Variants in LANCL2 observed in about 807,000 individuals in gnomAD.
LANCL2 encodes LanC like glutathione S-transferase 2.
In LANCL2, 33 loss-of-function variants were observed where a neutral mutation model predicts 56.9. The ratio of observed to expected loss-of-function variants is 0.58; its 90% CI spans 0.44 to 0.78. The LOEUF is 0.78. Among genes scored for constraint, LANCL2 ranks in the 30% least tolerant of loss-of-function variants. The pLI is 0.00. For missense variants in LANCL2, 562 were observed against 580.2 expected, an observed-to-expected ratio of 0.97 and a Z score of 0.32; for synonymous variants, 233 against 228.2, an observed-to-expected ratio of 1.02 and a Z score of -0.19.
chr7:55,409,742 T>C (rs1205990438), intron 5 of LANCL2, among the ~76,000 whole-genome samples: 1 of 152,176 alleles, frequency 6.6e-6, no homozygotes, highest in Non-Finnish European at 1.5e-5. Context: ...GATTTGACCA[T>C]GTGGAAAATC....
rs553695394 is a variant in LANCL2, at chr7:55,418,204, T to TA, written c.1008+6116dup. On this transcript the variant is annotated intron_variant, in intron 6 of 8. Coordinates refer to ENST00000254770, the MANE Select transcript of LANCL2 (RefSeq NM_018697.4). ...AATTGCGTTTTTTTTTTTGGAGACA[T>TA]AGAGTCTCACTCTGTTACCCAGGCT... Among the ~76,000 whole-genome samples the TA allele has an allele frequency of 3.1e-3, 456 of 148,248 alleles. 2 individuals are homozygous for TA. Among genetic ancestry groups the TA allele is most frequent in the African/African-American group, 0.011 (422 of 39,986 alleles).
At chr7:55,401,645 G>C (rs1219958101) in intron 5 of LANCL2, among the ~76,000 whole-genome samples, 1 of 121,120 alleles carries the variant, frequency 8.3e-6, no homozygotes, top group Non-Finnish European at 1.7e-5. Flanking sequence ...CAGCAGATAA[G>C]TGAACAAAGG....
At chr7:55,409,864 AG>A (rs1790452824) in intron 5 of LANCL2, among the ~76,000 whole-genome samples, 2 of 152,272 alleles carry the variant, frequency 1.3e-5, no homozygotes, top group Non-Finnish European at 2.9e-5. Flanking sequence ...AAAAACTAAA[AG>A]GTGTAAAAGA....
chr7:55,403,150 T>C (rs1275610667), intron 5 of LANCL2, among the ~76,000 whole-genome samples: 10 of 152,278 alleles, frequency 6.6e-5, no homozygotes, highest in Admixed American at 2.0e-4. Context: ...CTGGGCACCA[T>C]TGAACACTGA....
chr7:55,413,632 C>CACGG (rs1477443644), intron 6 of LANCL2, among the ~76,000 whole-genome samples: 1 of 152,252 alleles, frequency 6.6e-6, no homozygotes, highest in Non-Finnish European at 1.5e-5. Flanking sequence ...AGCAAGCCAG[C>CACGG]ACGGCTCTGC....
chr7:55,416,984 T>TTTTTTTG (rs1554385141), intron 6 of LANCL2, among the ~76,000 whole-genome samples: 32,993 of 130,148 alleles, frequency 0.25, 4,299 homozygotes, highest in Non-Finnish European at 0.31. Context: ...TTTTTTTTTT[T>TTTTTTTG]TTTTTTTTTT....
chr7:55,413,212 G>T (rs189376473), intron 6 of LANCL2, among the ~76,000 whole-genome samples: 2 of 152,258 alleles, frequency 1.3e-5, no homozygotes, highest in East Asian at 3.9e-4. Flanking sequence ...TCAAATCACT[G>T]CCTCCCTTTT....
intron 1 of LANCL2, among the ~76,000 whole-genome samples, chr7:55,376,551 C>T (rs1790005357): frequency 1.3e-5 from 2 of 152,204 alleles, no homozygotes; most frequent in Admixed American, 6.5e-5. Context: ...GCCTTTCCAT[C>T]CCCTCTCCAC....
At chr7:55,423,343 AC>A (rs1419344014) in intron 6 of LANCL2, among the ~76,000 whole-genome samples, 2 of 151,720 alleles carry the variant, frequency 1.3e-5, no homozygotes, top group African/African-American at 4.8e-5. Context: ...GCATGAAGGA[AC>A]CCTGTTCAGT....
At chr7:55,367,887 G>C (rs184315388) in intron 1 of LANCL2, among the ~76,000 whole-genome samples, 8 of 152,210 alleles carry the variant, frequency 5.3e-5, no homozygotes, top group Admixed American at 5.2e-4. Context: ...TAAGTTACAC[G>C]GTTTAGATTC....
rs143269032 is a variant in LANCL2, at chr7:55,406,207, A to G, written c.825+4887A>G. On this transcript the variant is annotated intron_variant, in intron 5 of 8. Coordinates refer to ENST00000254770, the MANE Select transcript of LANCL2 (RefSeq NM_018697.4). ...GACTTCGTGCTCCTTCTTGAGATCC[A>G]TGTTCAGAAAATGGTGGCACAAGCG... is the stretch of plus-strand genomic sequence containing the variant. 3.9e-5 allele frequency among the ~76,000 whole-genome samples: 6 copies of G among 152,306 alleles called. No homozygotes were observed. The East Asian group carries it at 9.6e-4, about 24-fold the overall frequency.
At chr7:55,367,207 T>G (rs745905287) in intron 1 of LANCL2, among the ~76,000 whole-genome samples, 44 of 152,202 alleles carry the variant, frequency 2.9e-4, no homozygotes, top group Non-Finnish European at 1.2e-4. Context: ...AACAGAAGAT[T>G]GAATATCAGC....
In LANCL2 at chr7:55,425,433, G is replaced by A. The variant is rs772457683; in HGVS notation, c.1185+3G>A. The A allele has an allele frequency of 6.2e-7, 1 of 1,613,902 alleles. No individual in the cohort carries two copies. The highest frequency in any genetic ancestry group is 8.5e-7 in the Non-Finnish European group (1 of 1,179,826). On this transcript the variant is annotated splice_donor_region_variant and intron_variant, in intron 7 of 8. Transcript: ENST00000254770. ...AGTACCTCTACCGAGCTTGCAAGGTGAGGGTGGCTCTGTTGGAACTGCTTC... is the reference window on the plus strand; with the variant it reads ...AGTACCTCTACCGAGCTTGCAAGGTAAGGGTGGCTCTGTTGGAACTGCTTC...
At chr7:55,384,173 G>T (rs1790099496) in intron 1 of LANCL2, among the ~76,000 whole-genome samples, 1 of 152,206 alleles carries the variant, frequency 6.6e-6, no homozygotes, top group African/African-American at 2.4e-5. Context: ...TGGAATCATA[G>T]AAGGGAAGCA....
In LANCL2 at chr7:55,432,589, G is replaced by A. The variant is rs1790742096; in HGVS notation, c.*1269G>A. On this transcript the variant is annotated 3_prime_UTR_variant, in exon 9 of 9. Coordinates refer to ENST00000254770, the MANE Select transcript of LANCL2 (RefSeq NM_018697.4). ...CTAAGGCTTGTGTCATGAAAGACAA[G>A]AGGCCTCTCTTAACAGCCCAGTCCT... 1 of 152,228 alleles carries A rather than the reference G, an allele frequency of 6.6e-6. No individual in the cohort carries two copies. The highest frequency in any genetic ancestry group is 2.4e-5 in the African/African-American group (1 of 41,464). The allele number at this position is 152,228 out of a possible 1,614,324, so 9.4% of individuals were successfully genotyped here.
chr7:55,382,368 A>G (rs1343405565), intron 1 of LANCL2, among the ~76,000 whole-genome samples: 1 of 152,210 alleles, frequency 6.6e-6, no homozygotes, highest in East Asian at 1.9e-4. Flanking sequence ...AAGTTACTGC[A>G]TGGCCTTAGC....
Position 55,431,399 on chromosome 7 carries a change from G to A in LANCL2, c.*79G>A. The A allele has an allele frequency of 1.0e-6, 1 of 975,032 alleles. No individual in the cohort carries two copies. Among genetic ancestry groups the A allele is most frequent in the East Asian group, 2.4e-5 (1 of 40,988 alleles). The allele number at this position is 975,032 out of a possible 1,614,324, so 60.4% of individuals were successfully genotyped here. Reference sequence around the variant, plus strand: ...CTTAGTGCCTGACACAGAAACAACTGGGAATCCTGAAAGAGAAGCAGACAC... The same window carrying A: ...CTTAGTGCCTGACACAGAAACAACTAGGAATCCTGAAAGAGAAGCAGACAC... On this transcript the variant is annotated 3_prime_UTR_variant, in exon 9 of 9. Coordinates refer to ENST00000254770, the MANE Select transcript of LANCL2 (RefSeq NM_018697.4).
intron 6 of LANCL2, 81 bp from the exon 7 acceptor site, chr7:55,425,173 T>C (rs964497310): frequency 2.2e-5 from 31 of 1,424,992 alleles, no homozygotes; most frequent in Middle Eastern, 1.8e-4. Flanking sequence ...CATGCCATAT[T>C]CTAACCAGAA....
chr7:55,399,856 A>G, intron 3 of LANCL2, 101 bp from the exon 4 acceptor site: 1 of 927,166 alleles, frequency 1.1e-6, no homozygotes, highest in Non-Finnish European at 1.6e-6. Flanking sequence ...TTTTAAATGT[A>G]AAATAAATAA....
Sources: allele counts gnomAD v4.1 joint callset (sites outside exome capture counted in the v4.1 genomes callset), GRCh38; gene constraint gnomAD v4.1.1; transcripts MANE v1.5; gene names NCBI Gene and HGNC (gene_info 2026-07-23, HGNC 2026-07-21).